ZC3H12B: variants seen among roughly 807,000 people sequenced by gnomAD.
The protein encoded by ZC3H12B is probable ribonuclease ZC3H12B.
ZC3H12B carries 7 observed loss-of-function variants against 43.9 expected under a neutral mutation model. The observed-to-expected ratio is 0.16, with a 90% confidence interval of 0.09 to 0.30. The LOEUF is 0.30. Among genes scored for constraint, ZC3H12B ranks in the 10% least tolerant of loss-of-function variants. ZC3H12B has a pLI of 1.00. For missense variants in ZC3H12B, 475 were observed against 670.2 expected, an observed-to-expected ratio of 0.71 and a Z score of 3.22; for synonymous variants, 222 against 241.7, an observed-to-expected ratio of 0.92 and a Z score of 0.76.
chrX:65,459,734 A>G (rs1230612608), intron 3 of ZC3H12B, among the ~76,000 whole-genome samples: 1 of 111,437 alleles, frequency 9.0e-6, no homozygotes, highest in Non-Finnish European at 1.9e-5. Context: ...ATTTATGACA[A>G]CCCCACAGCC....
chrX:65,299,735 A>G, the ZC3H12B span, among the ~76,000 whole-genome samples: 1 of 112,405 alleles, frequency 8.9e-6, no homozygotes, highest in Non-Finnish European at 1.9e-5. Context: ...TTGCTCCAAG[A>G]ACTACTTCGG....
At chrX:65,140,557 T>C in the ZC3H12B span, among the ~76,000 whole-genome samples, 324 of 111,720 alleles carry the variant, frequency 2.9e-3, 1 homozygote, top group African/African-American at 0.01. Context: ...CATAATTTTC[T>C]TTTCTATTCT....
At chrX:65,434,344 T>C (rs921042484) in intron 3 of ZC3H12B, among the ~76,000 whole-genome samples, 2 of 112,241 alleles carry the variant, frequency 1.8e-5, no homozygotes, top group African/African-American at 3.2e-5. Flanking sequence ...CACTGTAGCA[T>C]TCCAATCTTC....
upstream of ZC3H12B, among the ~76,000 whole-genome samples, chrX:65,366,095 T>G (rs1175657293): frequency 1.8e-5 from 2 of 110,452 alleles, no homozygotes; most frequent in African/African-American, 6.6e-5. Context: ...TTTATTGGCT[T>G]AAACTATATT....
the ZC3H12B span, among the ~76,000 whole-genome samples, chrX:65,336,587 G>C: frequency 8.9e-6 from 1 of 112,251 alleles, no homozygotes; most frequent in Non-Finnish European, 1.9e-5. Context: ...TGGATTGAAG[G>C]AGTTTCAACA....
chrX:65,046,315 G>A, the ZC3H12B span, among the ~76,000 whole-genome samples: 4 of 111,929 alleles, frequency 3.6e-5, no homozygotes, highest in Admixed American at 1.9e-4. Flanking sequence ...GTTTAATGTA[G>A]CTACTTTCAT....
At chrX:65,152,476 C>T in the ZC3H12B span, among the ~76,000 whole-genome samples, 39 of 111,257 alleles carry the variant, frequency 3.5e-4, 1 homozygote, top group Non-Finnish European at 5.8e-4. Flanking sequence ...CTCCCATTCA[C>T]AACTTTATTC....
chrX:65,182,623 G>GA, the ZC3H12B span, among the ~76,000 whole-genome samples: 4 of 109,132 alleles, frequency 3.7e-5, no homozygotes, highest in Admixed American at 3.9e-4. Flanking sequence ...GCTATCAATA[G>GA]ATAGACAACC....
upstream of ZC3H12B, among the ~76,000 whole-genome samples, chrX:65,362,482 A>G (rs2066116610): frequency 9.0e-6 from 1 of 110,514 alleles, no homozygotes; most frequent in Non-Finnish European, 1.9e-5. Flanking sequence ...TTTTGACTAA[A>G]TTATCTGCTT....
At chrX:65,382,961 A>C (rs184751446) in intron 2 of ZC3H12B, among the ~76,000 whole-genome samples, 13 of 111,293 alleles carry the variant, frequency 1.2e-4, no homozygotes, top group African/African-American at 4.3e-4. Context: ...AGAGGATACA[A>C]ACAAATGGAA....
chrX:65,188,358 A>AT, the ZC3H12B span, among the ~76,000 whole-genome samples: 3,652 of 75,776 alleles, frequency 0.048, 110 homozygotes, highest in East Asian at 0.14. Flanking sequence ...TGGTTGCTCT[A>AT]TTTTTTTTTT....
At chrX:65,073,959 T>G in the ZC3H12B span, among the ~76,000 whole-genome samples, 306 of 112,083 alleles carry the variant, frequency 2.7e-3, 2 homozygotes, top group African/African-American at 9.5e-3. Context: ...AGTGCGCCAG[T>G]TGTCCCAGTC....
chrX:65,213,251 C>T, the ZC3H12B span, among the ~76,000 whole-genome samples: 1 of 110,191 alleles, frequency 9.1e-6, no homozygotes, highest in Non-Finnish European at 1.9e-5. Context: ...TTGGCTTGCT[C>T]CCTAATATTT....
chrX:65,344,299 T>C, the ZC3H12B span, among the ~76,000 whole-genome samples: 1 of 111,979 alleles, frequency 8.9e-6, no homozygotes, highest in Non-Finnish European at 1.9e-5. Flanking sequence ...CAAACTGCAA[T>C]GACATTCTTC....
chrX:65,311,757 A>G, the ZC3H12B span, among the ~76,000 whole-genome samples: 1 of 111,996 alleles, frequency 8.9e-6, no homozygotes, highest in African/African-American at 3.3e-5. Flanking sequence ...ATGTCCATCA[A>G]TGATAGACTG....
chrX:65,195,629 CA>C, the ZC3H12B span, among the ~76,000 whole-genome samples: 1 of 112,356 alleles, frequency 8.9e-6, no homozygotes, highest in Non-Finnish European at 1.9e-5. Flanking sequence ...TAGTAATAGT[CA>C]AAAGCTCTCT....
the ZC3H12B span, among the ~76,000 whole-genome samples, chrX:65,308,242 C>T: frequency 9.1e-6 from 1 of 109,587 alleles, no homozygotes; most frequent in South Asian, 3.9e-4. Flanking sequence ...ACCCTCAAAA[C>T]CATAAAAATA....
chrX:65,358,374 A>G, the ZC3H12B span, among the ~76,000 whole-genome samples: 1 of 112,038 alleles, frequency 8.9e-6, no homozygotes, highest in Non-Finnish European at 1.9e-5. Flanking sequence ...AGTCAACAGA[A>G]TATACATTCT....
intron 3 of ZC3H12B, among the ~76,000 whole-genome samples, chrX:65,431,264 G>A (rs905622715): frequency 8.9e-6 from 1 of 112,531 alleles, no homozygotes; most frequent in Non-Finnish European, 1.9e-5. Context: ...TCCACATCCA[G>A]GGTAAGTGTC....
Sources: allele counts gnomAD v4.1 joint callset (sites outside exome capture counted in the v4.1 genomes callset), GRCh38; gene constraint gnomAD v4.1.1; transcripts MANE v1.5; gene names NCBI Gene and HGNC (gene_info 2026-07-23, HGNC 2026-07-21).